RNF144A: variants seen among roughly 807,000 people sequenced by gnomAD.
The protein encoded by RNF144A is ring finger protein 144A, also known as E3 ubiquitin-protein ligase RNF144A.
In RNF144A, 11 loss-of-function variants were observed where a neutral mutation model predicts 38.7. The ratio of observed to expected loss-of-function variants is 0.28; its 90% confidence interval spans 0.18 to 0.47. The LOEUF is 0.47. Ranked by LOEUF, RNF144A falls within the 20% of genes least tolerant of loss-of-function variation. The pLI, the probability that RNF144A is intolerant of heterozygous loss-of-function variation, is 0.99. For synonymous variants in RNF144A, 149 were observed against 143.9 expected, an observed-to-expected ratio of 1.04 and a Z score of -0.25; for missense variants, 316 against 377.2, an observed-to-expected ratio of 0.84 and a Z score of 1.34.
At chr2:6,994,601 C>T (rs963727667) in intron 2 of RNF144A, among the ~76,000 whole-genome samples, 12 of 152,188 alleles carry the variant, frequency 7.9e-5, no homozygotes, top group Non-Finnish European at 4.4e-5. Flanking sequence ...GTACCCCCTG[C>T]AGCCCCAGAG....
intron 1 of RNF144A, among the ~76,000 whole-genome samples, chr2:6,923,149 G>A (rs186582757): frequency 7.6e-4 from 116 of 152,278 alleles, no homozygotes; most frequent in Non-Finnish European, 8.5e-4. Context: ...AATGAAAGGG[G>A]GCCTGCCAGG....
intron 7 of RNF144A, among the ~76,000 whole-genome samples, chr2:7,028,930 C>T (rs1449634452): frequency 6.6e-6 from 1 of 152,174 alleles, no homozygotes; most frequent in Non-Finnish European, 1.5e-5. Context: ...TTTGATGGCC[C>T]TCCATTCACT....
chr2:6,923,442 G>A (rs1276425885), intron 1 of RNF144A, among the ~76,000 whole-genome samples: 1 of 152,188 alleles, frequency 6.6e-6, no homozygotes, highest in Admixed American at 6.5e-5. Flanking sequence ...GAGTGTTCAA[G>A]CCTCTTCCTG....
chr2:7,008,409 A>T (rs1178714431), intron 3 of RNF144A, among the ~76,000 whole-genome samples: 1 of 152,170 alleles, frequency 6.6e-6, no homozygotes, highest in African/African-American at 2.4e-5. Context: ...CTCTGCTGAC[A>T]CAGTGCCCTG....
At chr2:6,988,880 G>T (rs1030106550) in intron 2 of RNF144A, among the ~76,000 whole-genome samples, 2 of 151,978 alleles carry the variant, frequency 1.3e-5, no homozygotes, top group African/African-American at 2.4e-5. Context: ...GGGCTCATGG[G>T]TATATATTTT....
chr2:6,924,039 A>G (rs1184213103), intron 1 of RNF144A, among the ~76,000 whole-genome samples: 1 of 152,244 alleles, frequency 6.6e-6, no homozygotes, highest in Non-Finnish European at 1.5e-5. Context: ...TGAATGAAGA[A>G]ATGGAATTCG....
intron 2 of RNF144A, among the ~76,000 whole-genome samples, chr2:6,990,537 G>A (rs1423933497): frequency 1.8e-5 from 2 of 109,852 alleles, no homozygotes; most frequent in Admixed American, 1.1e-4. Context: ...ATATTGCTAT[G>A]TATATATATA....
At chr2:6,956,051 A>T (rs979972308) in intron 2 of RNF144A, among the ~76,000 whole-genome samples, 3 of 152,178 alleles carry the variant, frequency 2.0e-5, no homozygotes, top group Non-Finnish European at 4.4e-5. Flanking sequence ...TAAAAATATT[A>T]TAACATGGCT....
At chr2:6,918,596 C>T (rs1664302070) in intron 1 of RNF144A, 1 of 151,260 alleles carries the variant, frequency 6.6e-6, no homozygotes, top group African/African-American at 2.4e-5. Flanking sequence ...AACCCCCTCT[C>T]TACTAAAAAT....
Position 7,018,969 on chromosome 2 carries a change from C to T in RNF144A, c.302-1504C>T, listed in dbSNP as rs560654975. Among the ~76,000 whole-genome samples, 107 of 152,050 alleles carry T rather than the reference C, an allele frequency of 7.0e-4. 1 individual carries two copies. Among genetic ancestry groups the T allele is most frequent in the Non-Finnish European group, 1.2e-3 (85 of 68,014 alleles). ...GCTAGTGGGCCAAATCCAGTCCCGC[C>T]GGTGGCCTGCTGCTGTCAAGTTTTG... On this transcript the variant is annotated intron_variant, in intron 5 of 8. Coordinates refer to ENST00000320892, the MANE Select transcript of RNF144A (RefSeq NM_014746.6).
intron 8 of RNF144A, among the ~76,000 whole-genome samples, chr2:7,031,781 G>A (rs540834808): frequency 6.6e-6 from 1 of 152,364 alleles, no homozygotes; most frequent in African/African-American, 2.4e-5. Context: ...CAGGCGATAA[G>A]ACACGCCTCC....
chr2:6,990,602 C>G (rs956915832), intron 2 of RNF144A, among the ~76,000 whole-genome samples: 3 of 149,516 alleles, frequency 2.0e-5, no homozygotes, highest in Non-Finnish European at 4.4e-5. Flanking sequence ...CACACACACA[C>G]AGATATATAG....
In RNF144A at chr2:7,043,810, C is replaced by T. The variant is rs1156414292; in HGVS notation, c.*4050C>T. On this transcript the variant is annotated 3_prime_UTR_variant, in exon 9 of 9. Coordinates refer to ENST00000320892, the MANE Select transcript of RNF144A (RefSeq NM_014746.6). ...GGGGTAGCTACATGCCCCATGCCTGCCCTTTCTTTCCTTCTTTGCTCACTT... is the reference window on the plus strand; with the variant it reads ...GGGGTAGCTACATGCCCCATGCCTGTCCTTTCTTTCCTTCTTTGCTCACTT... 6 of 985,736 alleles carry T rather than the reference C, an allele frequency of 6.1e-6. No homozygotes were observed. Among genetic ancestry groups the T allele is most frequent in the Non-Finnish European group, 7.2e-6 (6 of 829,948 alleles). 61.1% of individuals were successfully genotyped at this position (985,736 alleles called of 1,614,324 possible). A position where few individuals can be genotyped will look rare whatever the true frequency, so the allele number is the denominator to read the frequency against.
intron 6 of RNF144A, among the ~76,000 whole-genome samples, chr2:7,063,663 C>T (rs1452009269): frequency 6.6e-6 from 1 of 151,978 alleles, no homozygotes; most frequent in African/African-American, 2.4e-5. Context: ...AGAGCAGCCA[C>T]AGAAGGTACA....
At chr2:6,985,270 C>CCT (rs1668880190) in intron 2 of RNF144A, among the ~76,000 whole-genome samples, 1 of 104,728 alleles carries the variant, frequency 9.5e-6, no homozygotes, top group Non-Finnish European at 2.0e-5. Context: ...CCTCCCCCCT[C>CCT]TTTTTTTTTT....
chr2:7,045,506 C>A (rs1214612372), downstream of RNF144A, among the ~76,000 whole-genome samples: 2 of 152,146 alleles, frequency 1.3e-5, no homozygotes, highest in East Asian at 3.9e-4. Flanking sequence ...CCAGTCTCTG[C>A]CTGCAGGTTC....
chr2:7,020,398 A>C, intron 5 of RNF144A, 75 bp from the exon 6 acceptor site: 2 of 1,313,176 alleles, frequency 1.5e-6, no homozygotes, highest in South Asian at 2.5e-5. Flanking sequence ...CCGTGCACTG[A>C]GGGGCTCCTT....
chr2:7,059,351 A>C (rs1673865653), intron 6 of RNF144A, among the ~76,000 whole-genome samples: 1 of 152,156 alleles, frequency 6.6e-6, no homozygotes, highest in Non-Finnish European at 1.5e-5. Flanking sequence ...GCCTCAAAAA[A>C]AAATAAATGC....
Position 7,041,308 on chromosome 2 carries a change from CTGG to C in RNF144A, c.*1550_*1552del. On this transcript the variant is annotated 3_prime_UTR_variant, in exon 9 of 9. Transcript: ENST00000320892. The stretch of plus-strand genomic sequence containing the variant: ...AGTCTCAGGTCCTAGTTTACTTTCC[CTGG>C]TTGGAAATTTATTTCTTATTTCCTA... The C allele has an allele frequency of 1.0e-6, 1 of 985,790 alleles. No homozygotes were observed. The highest frequency in any genetic ancestry group is 1.2e-6 in the Non-Finnish European group (1 of 829,938). The allele number at this position is 985,790 out of a possible 1,614,324, so 61.1% of individuals were successfully genotyped here.
Sources: gnomAD v4.1 joint callset for allele counts (sites outside exome capture counted in the v4.1 genomes callset) on GRCh38, gnomAD v4.1.1 for gene constraint, MANE v1.5 for transcripts, NCBI Gene and HGNC (gene_info 2026-07-23, HGNC 2026-07-21) for gene names.